KLRD1: variants seen among roughly 807,000 people sequenced by gnomAD.
The protein encoded by KLRD1 is killer cell lectin like receptor D1, also known as natural killer cells antigen CD94.
KLRD1 carries 21 observed loss-of-function variants against 22.6 expected under a neutral mutation model. The ratio of observed to expected loss-of-function variants is 0.93; its 90% CI spans 0.66 to 1.34. KLRD1 has a LOEUF of 1.34. Ranked by LOEUF, KLRD1 falls within the 40% of genes most tolerant of loss-of-function variation. The pLI, the probability that KLRD1 is intolerant of heterozygous loss-of-function variation, is 0.00. For synonymous variants in KLRD1, 59 were observed against 71.1 expected, an observed-to-expected ratio of 0.83 and a Z score of 0.85; for missense variants, 183 against 208.6, an observed-to-expected ratio of 0.88 and a Z score of 0.76.
intron 5 of KLRD1, among the ~76,000 whole-genome samples, chr12:10,314,003 A>G (rs1386609237): frequency 6.6e-6 from 1 of 152,144 alleles, no homozygotes; most frequent in Non-Finnish European, 1.5e-5. Flanking sequence ...CAAGAATGTG[A>G]AGAGGGCCAG....
rs758260304 is a variant in KLRD1, at chr12:10,316,117, C to CAAAAAAA, written c.*1340_*1346dup. On this transcript the variant is annotated 3_prime_UTR_variant, in exon 6 of 6. Transcript: ENST00000336164. Reference sequence around the variant, plus strand: ...TGGGTGACAGAGCCAGACTCCTCTCCAAAAAAAAAAAAAAAAAAAAAAGAT... The same window carrying CAAAAAAA: ...TGGGTGACAGAGCCAGACTCCTCTCCAAAAAAAAAAAAAAAAAAAAAAAAAAAAAGAT... The CAAAAAAA allele has an allele frequency of 1.5e-5, 1 of 66,038 alleles. No homozygotes were observed. Among genetic ancestry groups the CAAAAAAA allele is most frequent in the Non-Finnish European group, 2.8e-5 (1 of 35,242 alleles). 4.1% of individuals were successfully genotyped at this position (66,038 alleles called of 1,614,324 possible).
Position 10,308,036 on chromosome 12 carries a change from A to T in KLRD1, c.-42A>T. 6.3e-7 allele frequency: 1 copy of T among 1,593,416 alleles called. No individual in the cohort carries two copies. On this transcript the variant is annotated 5_prime_UTR_variant, in exon 1 of 6. Coordinates refer to ENST00000336164, the MANE Select transcript of KLRD1 (RefSeq NM_002262.5). ...AACGCTGTTCTTTCTGAAAAAGTAC[A>T]CATCGTGCCTTCTCTACTTCGCTCT...
chr12:10,239,434 T>C lies in KLRD1; in HGVS notation c.-101+13201T>C, dbSNP rs1428983214. Among the ~76,000 whole-genome samples the C allele has an allele frequency of 4.7e-3, 193 of 41,400 alleles. 15 individuals carry two copies. Among genetic ancestry groups the C allele is most frequent in the Admixed American group, 0.018 (50 of 2,750 alleles). The allele number at this position is 41,400 out of a possible 152,430, so 27.2% of individuals were successfully genotyped here. Reference sequence around the variant, plus strand: ...CTTCCTTCTTTCCATCCTTCCTTCCTTTCCTTCCTTCCTTCCTTCCTTCCT... The same window carrying C: ...CTTCCTTCTTTCCATCCTTCCTTCCCTTCCTTCCTTCCTTCCTTCCTTCCT... On this transcript the variant is annotated intron_variant, in intron 1 of 5. Transcript: ENST00000544747.
Position 10,239,456 on chromosome 12 carries a change from TC to T in KLRD1, c.-101+13225del, listed in dbSNP as rs1158714582. 3.0e-4 allele frequency among the ~76,000 whole-genome samples: 10 copies of T among 33,606 alleles called. 1 individual carries two copies. The East Asian group carries it at 3.0e-3, about 10-fold the overall frequency. The allele number at this position is 33,606 out of a possible 152,430, so 22.0% of individuals were successfully genotyped here. A position where few individuals can be genotyped will look rare whatever the true frequency, so the allele number is the denominator to read the frequency against. On this transcript the variant is annotated intron_variant, in intron 1 of 5. Transcript: ENST00000544747. ...TCCTTTCCTTCCTTCCTTCCTTCCT[TC>T]CTTCCTTCCTTCCTTCCTTCCTTCC...
rs1050492279 is a variant in KLRD1 at position 10,326,337 on chromosome 12, A to T, written c.*11544A>T. On this transcript the variant is annotated 3_prime_UTR_variant, in exon 6 of 6. Coordinates refer to ENST00000336164, the MANE Select transcript of KLRD1 (RefSeq NM_002262.5). Reference sequence around the variant, plus strand: ...AGGTCTCAGTTAATTTAGAAAGTTTATTTTGCAAAGGTTGAGAACATATGC... The same window carrying T: ...AGGTCTCAGTTAATTTAGAAAGTTTTTTTTGCAAAGGTTGAGAACATATGC... The T allele has an allele frequency of 3.9e-5, 6 of 152,182 alleles. No individual in the cohort carries two copies. The highest frequency in any genetic ancestry group is 2.0e-4 in the Admixed American group (3 of 15,274). The allele number at this position is 152,182 out of a possible 1,614,324, so 9.4% of individuals were successfully genotyped here.
chr12:10,262,461 C>T lies in KLRD1; in HGVS notation c.-101+36228C>T, dbSNP rs188492385. On this transcript the variant is annotated intron_variant, in intron 1 of 5. Coordinates refer to the KLRD1 transcript ENST00000544747. ...TAACTTCAAGAGAAGTCCTGATATA[C>T]GAGAGTTTTTCTGACAAGTACACCA... Among the ~76,000 whole-genome samples the T allele has an allele frequency of 3.3e-5, 5 of 152,122 alleles. No homozygotes were observed. The East Asian group carries it at 5.8e-4, about 18-fold the overall frequency.
intron 3 of KLRD1, 23 bp from the exon 4 acceptor site, chr12:10,311,441 T>C (rs1163543226): frequency 6.2e-7 from 1 of 1,606,604 alleles, no homozygotes; most frequent in South Asian, 1.1e-5. Context: ...GTGTCATTAG[T>C]CATGCTTTAT....
At chr12:10,242,977 G>A (rs909280357) in intron 1 of KLRD1, among the ~76,000 whole-genome samples, 43 of 152,092 alleles carry the variant, frequency 2.8e-4, no homozygotes, top group African/African-American at 9.2e-4. Context: ...TGTTACTTGT[G>A]ACAATATGGA....
chr12:10,286,541 T>C (rs541477117), intron 1 of KLRD1, among the ~76,000 whole-genome samples: 35 of 152,290 alleles, frequency 2.3e-4, no homozygotes, highest in African/African-American at 7.9e-4. Context: ...TACTCACTTT[T>C]GACATCTTGT....
chr12:10,303,979 CT>C (rs1248172045), upstream of KLRD1, among the ~76,000 whole-genome samples: 1 of 152,140 alleles, frequency 6.6e-6, no homozygotes, highest in African/African-American at 2.4e-5. Context: ...GGAGTGTTTG[CT>C]TCTATACATG....
intron 1 of KLRD1, among the ~76,000 whole-genome samples, chr12:10,292,843 G>T (rs1949782468): frequency 6.6e-6 from 1 of 151,950 alleles, no homozygotes; most frequent in Non-Finnish European, 1.5e-5. Context: ...CCAGAAGCCT[G>T]TTTCATGTAC....
rs1467515228 is a variant in KLRD1 at position 10,314,790 on chromosome 12, T to C, written c.537T>C (p.Ile179=). ...GTTATATCTGTAAGCAACAGCTCAT[T>C]TAAATGTTTCTTGGGGCAGAGAAGG... ...KNRYICKQQL[I] Residue 179 remains isoleucine (I), a synonymous_variant, in exon 6 of 6, where the codon ATT becomes ATC. Transcript: ENST00000336164. The C allele has an allele frequency of 1.4e-5, 22 of 1,604,222 alleles. No homozygotes were observed. The highest frequency in any genetic ancestry group is 2.7e-5 in the African/African-American group (2 of 74,672).
At chr12:10,255,846 G>C (rs1259888611) in intron 1 of KLRD1, among the ~76,000 whole-genome samples, 1 of 152,190 alleles carries the variant, frequency 6.6e-6, no homozygotes, top group Admixed American at 6.5e-5. Flanking sequence ...TTTAGGTCCA[G>C]TTGGTCCATA....
intron 1 of KLRD1, among the ~76,000 whole-genome samples, chr12:10,277,110 C>T (rs752744402): frequency 1.3e-3 from 186 of 141,864 alleles, no homozygotes; most frequent in Non-Finnish European, 2.0e-3. Context: ...GTTGGCCTCA[C>T]AGAGTTTTTT....
At chr12:10,248,031 T>C (rs1949308704) in intron 1 of KLRD1, among the ~76,000 whole-genome samples, 1 of 152,176 alleles carries the variant, frequency 6.6e-6, no homozygotes, top group African/African-American at 2.4e-5. Context: ...ATATGAAGTC[T>C]TACAGTCACT....
chr12:10,241,291 CAGG>C (rs982213866), intron 1 of KLRD1, among the ~76,000 whole-genome samples: 3 of 152,140 alleles, frequency 2.0e-5, no homozygotes, highest in Non-Finnish European at 4.4e-5. Context: ...TAAGAGTTTG[CAGG>C]AGAAGTACTT....
At position 10,253,019 on chromosome 12, in the gene KLRD1, A is replaced by C. The variant is rs150059568; in HGVS notation, c.-101+26786A>C. On this transcript the variant is annotated intron_variant, in intron 1 of 5. Transcript: ENST00000544747. Reference sequence around the variant, plus strand: ...TAAACAAAGTTTGACAATCCTCTGCATAAAACATTTCTTATCTAATGCTTT... The same window carrying C: ...TAAACAAAGTTTGACAATCCTCTGCCTAAAACATTTCTTATCTAATGCTTT... Among the ~76,000 whole-genome samples, 427 of 152,176 alleles carry C rather than the reference A, an allele frequency of 2.8e-3. 2 individuals carry two copies. The highest frequency in any genetic ancestry group is 8.2e-3 in the Admixed American group (126 of 15,298).
chr12:10,322,371 A>G lies in KLRD1; in HGVS notation c.*7578A>G, dbSNP rs1237895522. 1 of 152,236 alleles carries G rather than the reference A, an allele frequency of 6.6e-6. No individual in the cohort carries two copies. The highest frequency in any genetic ancestry group is 1.5e-5 in the Non-Finnish European group (1 of 68,052). The allele number at this position is 152,236 out of a possible 1,614,324, so 9.4% of individuals were successfully genotyped here. ...CAAATAGAGGACATTTTAGAGCCCAATAGTAAGCTAGGATTATATTTCCTT... is the reference window on the plus strand; with the variant it reads ...CAAATAGAGGACATTTTAGAGCCCAGTAGTAAGCTAGGATTATATTTCCTT... On this transcript the variant is annotated 3_prime_UTR_variant, in exon 6 of 6. Coordinates refer to ENST00000336164, the MANE Select transcript of KLRD1 (RefSeq NM_002262.5).
In KLRD1 at chr12:10,311,667, T is replaced by C. The variant is rs2137705948; in HGVS notation, c.315+52T>C. 1.9e-6 allele frequency: 3 copies of C among 1,562,170 alleles called. No homozygotes were observed. In the East Asian group the frequency reaches 6.8e-5, roughly 35 times the overall value. ...TTTTCTTTGATCTAGAAAAATATAC[T>C]ATCTAAACAAGTTAAATACTTTGGT... is the stretch of plus-strand genomic sequence containing the variant. On this transcript the variant is annotated intron_variant, in intron 4 of 5. Transcript: ENST00000336164.
Sources: allele counts gnomAD v4.1 joint callset (sites outside exome capture counted in the v4.1 genomes callset), GRCh38; gene constraint gnomAD v4.1.1; transcripts MANE v1.5; gene names NCBI Gene and HGNC (gene_info 2026-07-23, HGNC 2026-07-21).